SHISA6: variants seen among roughly 807,000 people sequenced by gnomAD.
SHISA6 encodes the protein protein shisa-6.
Under a neutral mutation model 47.9 loss-of-function variants are expected in SHISA6, and 22 were observed. The observed-to-expected ratio is 0.46, with a 90% CI of 0.33 to 0.66. The LOEUF (loss-of-function observed/expected upper bound fraction) is 0.66, where lower values mean the gene tolerates loss of function less well. Among genes scored for constraint, SHISA6 ranks in the 30% least tolerant of loss-of-function variants. The probability of loss-of-function intolerance (pLI) is 0.02; values close to 1 mark genes in which losing one functional copy is unlikely to be tolerated. For synonymous variants in SHISA6, 388 were observed against 337.8 expected (o/e 1.15, Z -1.63); for missense variants, 680 against 764.6 (o/e 0.89, Z 1.30).
chr17:11,352,501 G>A (rs979240246), intron 2 of SHISA6, among the ~76,000 whole-genome samples: 3 of 152,168 alleles, frequency 2.0e-5, no homozygotes, highest in South Asian at 2.1e-4. Flanking sequence ...AAATAGGGGT[G>A]GTGAGCTACC....
chr17:11,321,981 C>A (rs1187409193), intron 2 of SHISA6, among the ~76,000 whole-genome samples: 1 of 152,160 alleles, frequency 6.6e-6, no homozygotes, highest in Non-Finnish European at 1.5e-5. Context: ...ATTGGACACC[C>A]TTCTTCTATA....
intron 2 of SHISA6, among the ~76,000 whole-genome samples, chr17:11,285,099 A>G (rs145452426): frequency 8.5e-5 from 13 of 152,348 alleles, no homozygotes; most frequent in African/African-American, 2.6e-4. Flanking sequence ...CACTGACTCC[A>G]AGGTTTAATT....
intron 3 of SHISA6, among the ~76,000 whole-genome samples, chr17:11,456,461 A>T (rs1054769207): frequency 4.6e-5 from 7 of 152,200 alleles, no homozygotes; most frequent in African/African-American, 1.7e-4. Flanking sequence ...GAGCACAGCT[A>T]AGTTCTAGCC....
intron 3 of SHISA6, among the ~76,000 whole-genome samples, chr17:11,546,353 A>G (rs2071883811): frequency 6.6e-6 from 1 of 152,194 alleles, no homozygotes; most frequent in South Asian, 2.1e-4. Flanking sequence ...CTACACAACT[A>G]TAGCAGAGAG....
chr17:11,525,244 G>T (rs1028684752), intron 3 of SHISA6, among the ~76,000 whole-genome samples: 1 of 152,238 alleles, frequency 6.6e-6, no homozygotes, highest in Non-Finnish European at 1.5e-5. Context: ...TCAGTTATAC[G>T]ATTCATCATG....
chr17:11,507,749 T>C (rs1194488825), intron 3 of SHISA6, among the ~76,000 whole-genome samples: 1 of 152,218 alleles, frequency 6.6e-6, no homozygotes, highest in Non-Finnish European at 1.5e-5. Flanking sequence ...TTAATGTGTC[T>C]CTTGCCACTA....
At chr17:11,486,652 G>A (rs576411284) in intron 3 of SHISA6, among the ~76,000 whole-genome samples, 7 of 152,272 alleles carry the variant, frequency 4.6e-5, no homozygotes, top group African/African-American at 1.4e-4. Flanking sequence ...ACCACCCAAG[G>A]TGAGACCATA....
At chr17:11,408,612 G>GA (rs1378533525) in intron 3 of SHISA6, among the ~76,000 whole-genome samples, 5 of 152,194 alleles carry the variant, frequency 3.3e-5, no homozygotes, top group Non-Finnish European at 7.3e-5. Context: ...TAGCGGGCAT[G>GA]AAGTGTCATC....
chr17:11,490,383 G>A (rs1313053478), intron 3 of SHISA6, among the ~76,000 whole-genome samples: 1 of 152,126 alleles, frequency 6.6e-6, no homozygotes, highest in Non-Finnish European at 1.5e-5. Context: ...AGCAAGAAGG[G>A]ACATGGAGAC....
At chr17:11,294,206 A>G (rs950053104) in intron 2 of SHISA6, among the ~76,000 whole-genome samples, 7 of 152,098 alleles carry the variant, frequency 4.6e-5, no homozygotes, top group Non-Finnish European at 8.8e-5. Context: ...AATATCCTCA[A>G]TACTGAGGGG....
rs150701264 is a variant in SHISA6, at chr17:11,407,429, A to C, written c.895+27920A>C. Among the ~76,000 whole-genome samples, 387 of 152,254 alleles carry C rather than the reference A, an allele frequency of 2.5e-3. 1 individual carries two copies. Among genetic ancestry groups the C allele is most frequent in the African/African-American group, 8.8e-3 (367 of 41,554 alleles). The stretch of plus-strand genomic sequence containing the variant: ...TTCTCAGACCTAACTCGACCCCGGA[A>C]GCAGAATGGACCATCAGGGTTCTCT... On this transcript the variant is annotated intron_variant, in intron 3 of 5. Coordinates refer to ENST00000441885, the MANE Select transcript of SHISA6 (RefSeq NM_207386.4).
intron 3 of SHISA6, among the ~76,000 whole-genome samples, chr17:11,422,263 T>A (rs1914469427): frequency 6.6e-6 from 1 of 152,072 alleles, no homozygotes; most frequent in South Asian, 2.1e-4. Context: ...AAGAGAGCCT[T>A]ACAGTTGTCA....
chr17:11,465,972 A>G (rs766628706), intron 3 of SHISA6, among the ~76,000 whole-genome samples: 4 of 152,122 alleles, frequency 2.6e-5, no homozygotes, highest in Non-Finnish European at 5.9e-5. Context: ...ATCCCAAAGA[A>G]AGTTCTTATA....
chr17:11,256,106 T>G (rs919171840), intron 1 of SHISA6, among the ~76,000 whole-genome samples: 7 of 152,222 alleles, frequency 4.6e-5, no homozygotes, highest in Admixed American at 4.6e-4. Flanking sequence ...CAACTTAGGC[T>G]TTCTGGCTTG....
chr17:11,501,965 A>G (rs1241300784), intron 3 of SHISA6, among the ~76,000 whole-genome samples: 2 of 152,162 alleles, frequency 1.3e-5, no homozygotes, highest in South Asian at 2.1e-4. Context: ...CTTGATAACA[A>G]ATTCCTTTGT....
At chr17:11,458,078 C>CT (rs1232891140) in intron 3 of SHISA6, among the ~76,000 whole-genome samples, 1 of 133,874 alleles carries the variant, frequency 7.5e-6, no homozygotes, top group African/African-American at 3.2e-5. Context: ...TAGCGAGACT[C>CT]TGTCTAAAAA....
At chr17:11,242,115 C>T in intron 1 of SHISA6, 55 bp downstream of exon 1, 1 of 1,543,430 alleles carries the variant, frequency 6.5e-7, no homozygotes, top group Non-Finnish European at 8.7e-7. Context: ...ACCCTCTCAG[C>T]TTGCTTCCCC....
At chr17:11,325,122 G>A (rs1366454071) in intron 2 of SHISA6, among the ~76,000 whole-genome samples, 2 of 152,160 alleles carry the variant, frequency 1.3e-5, no homozygotes, top group African/African-American at 4.8e-5. Context: ...TGTCAGGACA[G>A]CCTGGATCCA....
chr17:11,353,380 C>G lies in SHISA6; in HGVS notation c.800-26034C>G, dbSNP rs550077056. ...GCTGAGGCAAAAGAATCGCGTGAAC[C>G]CAGGAGGCAGAGGTTGCAGTGAGCC... On this transcript the variant is annotated intron_variant, in intron 2 of 5. Coordinates refer to ENST00000441885, the MANE Select transcript of SHISA6 (RefSeq NM_207386.4). Among the ~76,000 whole-genome samples the G allele has an allele frequency of 2.0e-5, 3 of 151,800 alleles. No homozygotes were observed. The South Asian group carries it at 6.3e-4, about 32-fold the overall frequency.
Sources: allele counts gnomAD v4.1 joint callset (sites outside exome capture counted in the v4.1 genomes callset), GRCh38; gene constraint gnomAD v4.1.1; transcripts MANE v1.5; gene names NCBI Gene and HGNC (gene_info 2026-07-23, HGNC 2026-07-21).